IL1RAPL2: variants seen among roughly 807,000 people sequenced by gnomAD.
IL1RAPL2 encodes interleukin 1 receptor accessory protein like 2.
In IL1RAPL2, 3 loss-of-function variants were observed where a neutral mutation model predicts 44.1. The observed-to-expected ratio is 0.07, with a 90% CI of 0.03 to 0.18. IL1RAPL2 has a LOEUF of 0.18. IL1RAPL2 is among the 10% of genes least tolerant of loss of function. The pLI is 1.00. For missense variants in IL1RAPL2, 391 were observed against 496.4 expected (o/e 0.79, Z 2.02); for synonymous variants, 181 against 178.8 (o/e 1.01, Z -0.10).
chrX:105,120,161 T>C (rs563774707), intron 2 of IL1RAPL2, among the ~76,000 whole-genome samples: 1 of 107,291 alleles, frequency 9.3e-6, no homozygotes, highest in African/African-American at 3.4e-5. Context: ...GGCTGCAAGA[T>C]AGCTTCTTTG....
rs761533524 is a variant in IL1RAPL2, at chrX:105,281,186, C to T, written c.697+13645C>T. On this transcript the variant is annotated intron_variant, in intron 5 of 10. Coordinates refer to ENST00000372582, the MANE Select transcript of IL1RAPL2 (RefSeq NM_017416.2). ...ATTATCACAAGAATAGAAAACCAAA[C>T]ACCGCATGTTCTCACTCATAAGTGG... 9.0e-5 allele frequency among the ~76,000 whole-genome samples: 10 copies of T among 111,292 alleles called. No homozygotes were observed. The South Asian group carries it at 3.8e-3, about 43-fold the overall frequency.
intron 2 of IL1RAPL2, among the ~76,000 whole-genome samples, chrX:105,012,069 T>C (rs910111827): frequency 2.7e-5 from 3 of 111,403 alleles, no homozygotes; most frequent in African/African-American, 9.8e-5. Context: ...ACATCACTTT[T>C]GGGAGAATTC....
At chrX:105,200,730 G>A (rs2033709289) in intron 3 of IL1RAPL2, among the ~76,000 whole-genome samples, 1 of 111,460 alleles carries the variant, frequency 9.0e-6, no homozygotes, top group Admixed American at 9.5e-5. Flanking sequence ...TGGCCAGTAT[G>A]GCGAAACCCG....
chrX:104,929,425 A>G (rs928764912), intron 2 of IL1RAPL2, among the ~76,000 whole-genome samples: 3 of 111,544 alleles, frequency 2.7e-5, no homozygotes, highest in Admixed American at 9.5e-5. Context: ...CACTGGCCCA[A>G]TTAGGCCCTC....
intron 5 of IL1RAPL2, among the ~76,000 whole-genome samples, chrX:105,409,882 G>T (rs56246842): frequency 1.1e-3 from 4 of 3,639 alleles, no homozygotes; most frequent in African/African-American, 1.3e-3. Flanking sequence ...ATAGAGTGTG[G>T]GGGGGGGGTT....
chrX:104,582,764 CTTTT>C (rs1341760411), intron 1 of IL1RAPL2, among the ~76,000 whole-genome samples: 2 of 83,929 alleles, frequency 2.4e-5, no homozygotes, highest in East Asian at 3.6e-4. Context: ...TTCTTTCTTT[CTTTT>C]TTCTTTCTCT....
rs747812711 is a variant in IL1RAPL2, at chrX:104,910,086, G to A, written c.82+251091G>A. On this transcript the variant is annotated intron_variant, in intron 2 of 10. Coordinates refer to ENST00000372582, the MANE Select transcript of IL1RAPL2 (RefSeq NM_017416.2). ...CATTTTTTAAGCCTGTCGGAAAAGC[G>A]CAGTATTCGGTTGGGAGTGGCCTGA... Among the ~76,000 whole-genome samples, 18 of 112,484 alleles carry A rather than the reference G, an allele frequency of 1.6e-4. No homozygotes were observed. In the South Asian group the frequency reaches 6.7e-3, roughly 42 times the overall value.
At chrX:104,907,664 GAGAT>G (rs1924063056) in intron 2 of IL1RAPL2, among the ~76,000 whole-genome samples, 1 of 111,248 alleles carries the variant, frequency 9.0e-6, no homozygotes. Context: ...TGTGGTCTGA[GAGAT>G]AGTTTGTTAT....
intron 5 of IL1RAPL2, among the ~76,000 whole-genome samples, chrX:105,350,687 G>A (rs899432300): frequency 3.6e-5 from 4 of 112,012 alleles, no homozygotes; most frequent in East Asian, 2.8e-4. Flanking sequence ...TCATGCCCTC[G>A]CACTCCAGCC....
chrX:104,859,902 G>C (rs1458779327), intron 2 of IL1RAPL2, among the ~76,000 whole-genome samples: 1 of 111,746 alleles, frequency 8.9e-6, no homozygotes, highest in Non-Finnish European at 1.9e-5. Flanking sequence ...TTTACAGTCT[G>C]ACCTCTTAGT....
rs200531333 is a variant in IL1RAPL2 at position 105,705,190 on chromosome X, AATAG to A, written c.773-12170_773-12167del. On this transcript the variant is annotated intron_variant, in intron 6 of 10. Transcript: ENST00000372582. ...TTTGGGGTGGGGGGGATGACTAATA[AATAG>A]ATAGATGATAGATGAATAGATAGAC... is the stretch of plus-strand genomic sequence containing the variant. 6.5e-3 allele frequency among the ~76,000 whole-genome samples: 718 copies of A among 109,726 alleles called. 9 individuals carry two copies. The highest frequency in any genetic ancestry group is 0.056 in the South Asian group (145 of 2,611).
intron 2 of IL1RAPL2, among the ~76,000 whole-genome samples, chrX:104,915,665 T>A (rs377657370): frequency 3.8e-4 from 42 of 111,264 alleles, no homozygotes; most frequent in Non-Finnish European, 6.8e-4. Flanking sequence ...CTGAATGGTA[T>A]TGCCTAGGTT....
chrX:105,412,501 T>C lies in IL1RAPL2; in HGVS notation c.698-71812T>C, dbSNP rs2035704985. On this transcript the variant is annotated intron_variant, in intron 5 of 10. Coordinates refer to ENST00000372582, the MANE Select transcript of IL1RAPL2 (RefSeq NM_017416.2). ...GTGGTATCTAAAAAAAGAAAGTTGA[T>C]ATCATAGAAGAGTAGAGTAGAACAA... Among the ~76,000 whole-genome samples the C allele has an allele frequency of 3.6e-5, 4 of 109,855 alleles. No individual in the cohort carries two copies. The South Asian group carries it at 1.2e-3, about 33-fold the overall frequency.
At chrX:105,008,978 G>A (rs1310526557) in intron 2 of IL1RAPL2, among the ~76,000 whole-genome samples, 2 of 112,060 alleles carry the variant, frequency 1.8e-5, no homozygotes, top group East Asian at 2.8e-4. Context: ...CATTTATGCA[G>A]CCAACAAACA....
chrX:105,034,852 G>A (rs2031593105), intron 2 of IL1RAPL2, among the ~76,000 whole-genome samples: 1 of 112,383 alleles, frequency 8.9e-6, no homozygotes, highest in African/African-American at 3.2e-5. Flanking sequence ...GGAGCCTACA[G>A]AATCAGGAAG....
chrX:104,775,675 G>A (rs1234696865), intron 2 of IL1RAPL2, among the ~76,000 whole-genome samples: 1 of 111,731 alleles, frequency 9.0e-6, no homozygotes. Flanking sequence ...ATTATAATGT[G>A]TTAATGGGGA....
At chrX:104,832,440 G>A (rs1440806426) in intron 2 of IL1RAPL2, among the ~76,000 whole-genome samples, 1 of 110,083 alleles carries the variant, frequency 9.1e-6, no homozygotes, top group African/African-American at 3.3e-5. Context: ...CAAACTTGAG[G>A]CTCTGTTCTT....
intron 2 of IL1RAPL2, among the ~76,000 whole-genome samples, chrX:105,085,620 G>C (rs1805023872): frequency 8.9e-6 from 1 of 111,754 alleles, no homozygotes; most frequent in Non-Finnish European, 1.9e-5. Context: ...GAAAGTTTCT[G>C]AAAAAACTAA....
intron 2 of IL1RAPL2, among the ~76,000 whole-genome samples, chrX:104,994,589 T>C (rs1022405571): frequency 2.7e-5 from 3 of 111,495 alleles, no homozygotes; most frequent in African/African-American, 9.8e-5. Context: ...AAAATAACTT[T>C]TACATAGTCC....
Sources: allele counts gnomAD v4.1 joint callset (sites outside exome capture counted in the v4.1 genomes callset), GRCh38; gene constraint gnomAD v4.1.1; transcripts MANE v1.5; gene names NCBI Gene and HGNC (gene_info 2026-07-23, HGNC 2026-07-21).